Variants in FCRL4 observed in about 807,000 individuals in gnomAD.
The protein encoded by FCRL4 is Fc receptor like 4.
FCRL4 carries 43 observed loss-of-function variants against 64.1 expected under a neutral mutation model. The observed-to-expected ratio is 0.67, with a 90% CI of 0.53 to 0.87. The LOEUF is 0.87. Ranked by LOEUF, FCRL4 falls within the 40% of genes least tolerant of loss-of-function variation. The pLI is 0.00. For synonymous variants in FCRL4, 253 were observed against 239.8 expected (o/e 1.05, Z -0.51); for missense variants, 656 against 613.5 (o/e 1.07, Z -0.73).
In FCRL4 at chr1:157,575,555, C is replaced by T; in HGVS notation, c.1517G>A (p.Gly506Glu). 6.2e-7 allele frequency: 1 copy of T among 1,613,782 alleles called. No individual in the cohort carries two copies. Among genetic ancestry groups the T allele is most frequent in the East Asian group, 2.2e-5 (1 of 44,868 alleles). ...VKTQHPDNSAGKISSKDEES is the reference protein window; with the variant it reads ...VKTQHPDNSAEKISSKDEES ...TTCTTCATCCTTAGAGCTGATCTTT[C>T]CAGCTGAGTTATCTGGGTGTTGTGT... The change falls in exon 12 of 12, where the codon GGA becomes GAA. Residue 506 changes from glycine to glutamate, a missense_variant. Gly to Glu is a moderately conservative substitution (Grantham distance 98, BLOSUM62 -2). Coordinates refer to ENST00000271532, the MANE Select transcript of FCRL4 (RefSeq NM_031282.3).
At chr1:157,588,391 A>G (rs1331724476) in intron 3 of FCRL4, among the ~76,000 whole-genome samples, 2 of 152,218 alleles carry the variant, frequency 1.3e-5, no homozygotes, top group Non-Finnish European at 2.9e-5. Context: ...GTGTGATCAA[A>G]ATCTCTGACA....
chr1:157,595,402 T>C (rs918722567), intron 2 of FCRL4, among the ~76,000 whole-genome samples: 69 of 152,216 alleles, frequency 4.5e-4, no homozygotes, highest in Non-Finnish European at 6.6e-4. Flanking sequence ...TTGATTTCCT[T>C]TGATGTATGC....
intron 6 of FCRL4, among the ~76,000 whole-genome samples, chr1:157,583,642 A>G (rs1233979648): frequency 3.3e-5 from 5 of 152,206 alleles, no homozygotes; most frequent in Admixed American, 3.3e-4. Context: ...AATCCAAATT[A>G]TATTAGTGCA....
chr1:157,584,621 T>C (rs929349605), intron 6 of FCRL4, among the ~76,000 whole-genome samples: 11 of 152,104 alleles, frequency 7.2e-5, no homozygotes, highest in Non-Finnish European at 1.3e-4. Context: ...GTTCCCAGAC[T>C]GAGATGCAGA....
At chr1:157,582,358 G>T (rs943403761) in intron 6 of FCRL4, among the ~76,000 whole-genome samples, 1 of 152,184 alleles carries the variant, frequency 6.6e-6, no homozygotes, top group Admixed American at 6.5e-5. Context: ...TGAACAAGAC[G>T]TTAAAGTCCC....
At chr1:157,597,804 T>C (rs1458909294) in intron 1 of FCRL4, 110 bp downstream of exon 1, 2 of 725,654 alleles carry the variant, frequency 2.8e-6, no homozygotes, top group Non-Finnish European at 4.7e-6. Flanking sequence ...CATTTTCTGC[T>C]GTTCTAAAAT....
intron 10 of FCRL4, among the ~76,000 whole-genome samples, chr1:157,577,774 A>G (rs1652448096): frequency 6.6e-6 from 1 of 152,220 alleles, no homozygotes; most frequent in Non-Finnish European, 1.5e-5. Flanking sequence ...AGATGAAAGT[A>G]TCTTAGGCCG....
chr1:157,580,317 T>TCACC lies in FCRL4; in HGVS notation c.1277_1277+3dup. On this transcript the variant is annotated splice_donor_region_variant and intron_variant, in intron 8 of 11. Coordinates refer to ENST00000271532, the MANE Select transcript of FCRL4 (RefSeq NM_031282.3). ...AAAAGGAATGGCAGAAACTGAGGTC[T>TCACC]CACCTGGTTTCGTCTCCCAAGAAAC... is the stretch of plus-strand genomic sequence containing the variant. 1 of 1,614,144 alleles carries TCACC rather than the reference T, an allele frequency of 6.2e-7. No homozygotes were observed. The highest frequency in any genetic ancestry group is 1.1e-5 in the South Asian group (1 of 91,076).
intron 2 of FCRL4, among the ~76,000 whole-genome samples, chr1:157,591,952 C>A (rs1652848201): frequency 6.6e-6 from 1 of 152,178 alleles, no homozygotes; most frequent in African/African-American, 2.4e-5. Context: ...ACATCTACAA[C>A]CATCTGATCT....
chr1:157,585,388 T>A (rs1029421639), intron 6 of FCRL4, among the ~76,000 whole-genome samples: 1 of 93,476 alleles, frequency 1.1e-5, no homozygotes, highest in East Asian at 2.6e-4. Flanking sequence ...CTTTCTTTCT[T>A]TCTTTCCTTC....
chr1:157,583,833 G>A (rs1485125169), intron 6 of FCRL4, among the ~76,000 whole-genome samples: 8 of 152,148 alleles, frequency 5.3e-5, no homozygotes, highest in South Asian at 2.1e-4. Context: ...TTCTAAGCAC[G>A]GGGATTTTGC....
At chr1:157,591,485 A>G (rs1652838722) in intron 2 of FCRL4, among the ~76,000 whole-genome samples, 1 of 152,234 alleles carries the variant, frequency 6.6e-6, no homozygotes, top group Admixed American at 6.5e-5. Context: ...TGGGAGGTCA[A>G]TTAGACAGTT....
intron 3 of FCRL4, among the ~76,000 whole-genome samples, chr1:157,588,411 A>G (rs1353983900): frequency 1.3e-5 from 2 of 152,230 alleles, no homozygotes; most frequent in Admixed American, 6.5e-5. Context: ...ATGATAGAGT[A>G]CAGCAGAACT....
rs1368999687 is a variant in FCRL4 at position 157,596,338 on chromosome 1, A to T, written c.42T>A (p.Cys14Ter). 5 of 1,614,078 alleles carry T rather than the reference A, an allele frequency of 3.1e-6. No individual in the cohort carries two copies. The highest frequency in any genetic ancestry group is 4.2e-6 in the Non-Finnish European group (5 of 1,179,950). The change falls in exon 2 of 12, where the codon TGT becomes TGA. Residue 14 changes from cysteine to a stop codon, truncating the protein, a stop_gained. Coordinates refer to ENST00000271532, the MANE Select transcript of FCRL4 (RefSeq NM_031282.3). LOFTEE classifies it high-confidence loss of function. ...WASLLAFAPV[C>*]GQSAAAHKPV... Reference sequence around the variant, plus strand: ...AAAATAAGGACTTACCAGATTGTCCACAGACTGGAGCTGAAAGAGAGTAAA... The same window carrying T: ...AAAATAAGGACTTACCAGATTGTCCTCAGACTGGAGCTGAAAGAGAGTAAA...
intron 3 of FCRL4, among the ~76,000 whole-genome samples, chr1:157,588,840 T>G (rs1015495368): frequency 1.3e-5 from 2 of 152,218 alleles, no homozygotes; most frequent in African/African-American, 4.8e-5. Context: ...ATTTCCCACC[T>G]CTGAGCTCCT....
Position 157,587,284 on chromosome 1 carries a change from T to C in FCRL4, c.839A>G (p.His280Arg). ...GGCTCTCCAACACTCACGCTGCACA[T>C]GGATCTGTAGCGAGGGACTGTGCTT... ...IHKHSPSLQI[H>R]VQRIPVSGVL... Residue 280 changes from histidine to arginine, a missense_variant, in exon 5 of 12, where the codon CAT becomes CGT. By Grantham distance (29) the His-to-Arg change is conservative. Transcript: ENST00000271532. The C allele has an allele frequency of 6.2e-7, 1 of 1,613,662 alleles. No homozygotes were observed. The highest frequency in any genetic ancestry group is 8.5e-7 in the Non-Finnish European group (1 of 1,179,618).
At chr1:157,580,726 G>A (rs1181209230) in intron 7 of FCRL4, among the ~76,000 whole-genome samples, 1 of 152,196 alleles carries the variant, frequency 6.6e-6, no homozygotes, top group Non-Finnish European at 1.5e-5. Context: ...CCCCACTAAG[G>A]AGAATTGGTC....
intron 10 of FCRL4, 30 bp downstream of exon 10, chr1:157,578,444 T>C: frequency 1.3e-6 from 2 of 1,559,608 alleles, no homozygotes; most frequent in Non-Finnish European, 1.8e-6. Flanking sequence ...GAATATAGTT[T>C]GCAGCCAGAA....
At position 157,575,492 on chromosome 1, in the gene FCRL4, T is replaced by C. The variant is rs376162760; in HGVS notation, c.*32A>G. 1.1e-5 allele frequency: 17 copies of C among 1,542,164 alleles called. No homozygotes were observed. The African/African-American group carries it at 1.9e-4, about 17-fold the overall frequency. ...GACTTTGGACAAGGGAGAAATCACA[T>C]GAGTAGGACGTTCTCGTAACTTTTC... On this transcript the variant is annotated 3_prime_UTR_variant, in exon 12 of 12. Transcript: ENST00000271532.
Sources: allele counts gnomAD v4.1 joint callset (sites outside exome capture counted in the v4.1 genomes callset), GRCh38; gene constraint gnomAD v4.1.1; transcripts MANE v1.5; gene names NCBI Gene and HGNC (gene_info 2026-07-23, HGNC 2026-07-21).